Variants in CD164L2 observed in about 807,000 individuals in gnomAD.
CD164L2 encodes the protein CD164 sialomucin-like 2 protein.
Under a neutral mutation model 23.9 loss-of-function variants are expected in CD164L2, and 21 were observed. That is an observed-to-expected ratio of 0.88 (90% CI 0.62 to 1.27). The LOEUF (loss-of-function observed/expected upper bound fraction) is 1.27. CD164L2 is among the 50% of genes most tolerant of loss of function. The pLI, the probability that CD164L2 is intolerant of heterozygous loss-of-function variation, is 0.00. For missense variants in CD164L2, 230 were observed against 224.8 expected, an observed-to-expected ratio of 1.02 and a Z score of -0.15; for synonymous variants, 92 against 90.2, an observed-to-expected ratio of 1.02 and a Z score of -0.11.
At chr1:27,383,120 C>CA in intron 1 of CD164L2, 32 bp downstream of exon 1, 2 of 1,503,812 alleles carry the variant, frequency 1.3e-6, no homozygotes, top group Non-Finnish European at 1.8e-6. Context: ...CCGTCCCCGT[C>CA]GAGCCCCTAG....
chr1:27,383,325 TGAGCGTGTGCG>T, exon 1 of CD164L2: 1 of 878,370 alleles, frequency 1.1e-6, no homozygotes, highest in Non-Finnish European at 1.7e-6. Context: ...TGGGCTCGGC[TGAGCGTGTGCG>T]GAGCGAGACC....
At chr1:27,382,085 C>T (rs2016345452) in intron 3 of CD164L2, 1 of 1,479,026 alleles carries the variant, frequency 6.8e-7, no homozygotes, top group South Asian at 1.4e-5. Flanking sequence ...AAAGTCCTTG[C>T]TATGCCTTAA....
In CD164L2 at chr1:27,382,505, T is replaced by C; in HGVS notation, c.251A>G (p.Glu84Gly). ...GGGAGGGCTCAGCTCCATACCTGGC[T>C]CCTCTGGCCGGCACTGCTCCCACAC... ...SCVWEQCRPE[E>G]PGHCVAQSEV... is the part of the protein sequence containing the mutation. The change falls in exon 2 of 6, where the codon GAG becomes GGG. Residue 84 changes from glutamate to glycine, a missense_variant. Transcript: ENST00000374030. 1 of 1,601,722 alleles carries C rather than the reference T, an allele frequency of 6.2e-7. No homozygotes were observed. Among genetic ancestry groups the C allele is most frequent in the Non-Finnish European group, 8.5e-7 (1 of 1,171,818 alleles).
intron 3 of CD164L2, 83 bp downstream of exon 3, chr1:27,382,245 T>C: frequency 6.2e-7 from 1 of 1,613,808 alleles, no homozygotes; most frequent in South Asian, 1.1e-5. Context: ...ATCCACCGCC[T>C]GAGAGAGGCT....
chr1:27,380,287 C>T (rs2016313544), intron 4 of CD164L2, 92 bp from the exon 5 acceptor site: 10 of 1,215,538 alleles, frequency 8.2e-6, no homozygotes, highest in South Asian at 1.4e-5. Context: ...AACCTGGAGG[C>T]CCCGGTCCTC....
intron 1 of CD164L2, 79 bp from the exon 2 acceptor site, chr1:27,382,746 C>G: frequency 2.1e-6 from 3 of 1,431,932 alleles, no homozygotes; most frequent in South Asian, 2.7e-5. Context: ...ACCCAACACT[C>G]CGGTGGCCCT....
chr1:27,379,664 G>A (rs2016302360), intron 5 of CD164L2, 155 bp from the exon 6 acceptor site: 1 of 1,508,166 alleles, frequency 6.6e-7, no homozygotes, highest in African/African-American at 1.4e-5. Context: ...GAGGGCCTCA[G>A]GCACAGCTCC....
chr1:27,381,133 G>A (rs755205993), intron 4 of CD164L2, among the ~76,000 whole-genome samples: 4 of 152,230 alleles, frequency 2.6e-5, no homozygotes, highest in East Asian at 1.9e-4. Flanking sequence ...CCCAGCTCCC[G>A]CTCAGGGAGC....
intron 1 of CD164L2, 46 bp from the exon 2 acceptor site, chr1:27,382,713 C>T (rs1403414414): frequency 6.6e-7 from 1 of 1,524,624 alleles, no homozygotes; most frequent in Non-Finnish European, 8.8e-7. Flanking sequence ...CGAAGCCAAG[C>T]TGTGGCACCC....
At chr1:27,379,944 G>T in intron 5 of CD164L2, 107 bp downstream of exon 5, 2 of 1,546,308 alleles carry the variant, frequency 1.3e-6, no homozygotes, top group South Asian at 2.5e-5. Context: ...CCGTCCTGAG[G>T]GCTTGCCCAT....
Position 27,381,779 on chromosome 1 carries a change from C to A in CD164L2, c.373+1G>T, listed in dbSNP as rs1393379047. ...CTGCCCCGTCTCCAGGGAGTACTCACCTGTTGTGACTGTCTTCGGTTCATA... is the reference window on the plus strand; with the variant it reads ...CTGCCCCGTCTCCAGGGAGTACTCAACTGTTGTGACTGTCTTCGGTTCATA... On this transcript the variant is annotated splice_donor_variant, in intron 4 of 5. Coordinates refer to ENST00000374030, the MANE Select transcript of CD164L2 (RefSeq NM_001330448.1). LOFTEE classifies it high-confidence loss of function. The A allele has an allele frequency of 8.1e-6, 13 of 1,613,888 alleles. No homozygotes were observed. Among genetic ancestry groups the A allele is most frequent in the African/African-American group, 1.3e-5 (1 of 74,924 alleles).
rs773668448 is a variant in CD164L2, at chr1:27,381,818, T to C, written c.335A>G (p.His112Arg). 5.0e-6 allele frequency: 8 copies of C among 1,613,942 alleles called. No individual in the cohort carries two copies. Among genetic ancestry groups the C allele is most frequent in the Non-Finnish European group, 6.8e-6 (8 of 1,179,918 alleles). ...CTTCGGTTCATAGGTGGGGTGGTGGTGAGCAGCTGAGGAGACAGGTGATCC... is the reference window on the plus strand; with the variant it reads ...CTTCGGTTCATAGGTGGGGTGGTGGCGAGCAGCTGAGGAGACAGGTGATCC... The part of the protein sequence containing the change: ...YNRSEACPAA[H>R]HHPTYEPKTV... The change falls in exon 4 of 6, where the codon CAC (histidine) becomes CGC (arginine). Residue 112 changes from histidine (H) to arginine (R), a missense_variant. Physicochemically the swap from His to Arg is conservative, Grantham distance 29. Transcript: ENST00000374030.
chr1:27,382,773 T>C (rs2016364905), intron 1 of CD164L2, 106 bp from the exon 2 acceptor site: 2 of 1,176,544 alleles, frequency 1.7e-6, no homozygotes, highest in African/African-American at 4.0e-5. Context: ...TCTGCACACA[T>C]CTGGGCTCTC....
Position 27,383,313 on chromosome 1 carries a change from A to C in CD164L2, c.-74T>G. 2.0e-6 allele frequency: 2 copies of C among 998,264 alleles called. No individual in the cohort carries two copies. Among genetic ancestry groups the C allele is most frequent in the Non-Finnish European group, 3.0e-6 (2 of 673,558 alleles). 61.8% of individuals were successfully genotyped at this position (998,264 alleles called of 1,614,324 possible). ...CAGCTGCCGGGCGCGTCCCTCCCAG[A>C]CTGGGCTCGGCTGAGCGTGTGCGGA... On this transcript the variant is annotated 5_prime_UTR_variant, in exon 1 of 6. Transcript: ENST00000374030.
At position 27,380,191 on chromosome 1, in the gene CD164L2, G is replaced by T; in HGVS notation, c.378C>A (p.Ser126Arg). ...TYEPKTVTTGSPPVPEAHSPG... is the reference protein window; with the variant it reads ...TYEPKTVTTGRPPVPEAHSPG... Reference sequence around the variant, plus strand: ...GGCTGTGGGCCTCAGGGACTGGGGGGCTCCCTGCAGGGGTGAGGCAGGGCA... The same window carrying T: ...GGCTGTGGGCCTCAGGGACTGGGGGTCTCCCTGCAGGGGTGAGGCAGGGCA... Residue 126 changes from serine to arginine, a missense_variant, in exon 5 of 6, where the codon AGC (serine) becomes AGA (arginine). Coordinates refer to ENST00000374030, the MANE Select transcript of CD164L2 (RefSeq NM_001330448.1). The T allele has an allele frequency of 6.2e-7, 1 of 1,613,902 alleles. No homozygotes were observed. Among genetic ancestry groups the T allele is most frequent in the Non-Finnish European group, 8.5e-7 (1 of 1,179,894 alleles).
rs1230806300 is a variant in CD164L2 at position 27,383,109 on chromosome 1, T to C, written c.88+43A>G. On this transcript the variant is annotated intron_variant, in intron 1 of 5. Transcript: ENST00000374030. ...ACGGCTGGCTGAGGTGCAAGCTCCA[T>C]CCGTCCCCGTCGAGCCCCTAGCCAG... 8.9e-6 allele frequency: 13 copies of C among 1,463,048 alleles called. No individual in the cohort carries two copies. The East Asian group carries it at 2.5e-4, about 28-fold the overall frequency. 90.6% of individuals were successfully genotyped at this position (1,463,048 alleles called of 1,614,324 possible).
Position 27,379,506 on chromosome 1 carries a change from G to C in CD164L2, c.522C>G (p.Ile174Met), listed in dbSNP as rs2016298604. 6.5e-7 allele frequency: 1 copy of C among 1,550,292 alleles called. No individual in the cohort carries two copies. Among genetic ancestry groups the C allele is most frequent in the African/African-American group, 1.4e-5 (1 of 72,980 alleles). The change falls in exon 6 of 6, where the codon ATC becomes ATG. Residue 174 changes from isoleucine to methionine, a missense_variant. Transcript: ENST00000374030. ...KAKDSTYQTL[I>M] ...ATGGAGTCCAGGCCCAAAGGGGTCA[G>C]ATTCTGCAGAGGCCAAAGAGGACAC...
In CD164L2 at chr1:27,379,235, G is replaced by A; in HGVS notation, c.*268C>T. 1.7e-6 allele frequency: 1 copy of A among 574,674 alleles called. No individual in the cohort carries two copies. The highest frequency in any genetic ancestry group is 3.1e-6 in the Non-Finnish European group (1 of 320,060). 35.6% of individuals were successfully genotyped at this position (574,674 alleles called of 1,614,324 possible). On this transcript the variant is annotated 3_prime_UTR_variant, in exon 6 of 6. Coordinates refer to ENST00000374030, the MANE Select transcript of CD164L2 (RefSeq NM_001330448.1). ...CCAGGCCAGTTGGTGGAAAGAGGCA[G>A]GCATACAACCCACTGTCAGGCTGGG...
At position 27,379,352 on chromosome 1, in the gene CD164L2, T is replaced by C; in HGVS notation, c.*151A>G. ...CCAGGACAGGAGGAGATGTCAGGCA[T>C]CAGACACTGAGCCTGCTTGGTGCCC... On this transcript the variant is annotated 3_prime_UTR_variant, in exon 6 of 6. Transcript: ENST00000374030. 1 of 691,716 alleles carries C rather than the reference T, an allele frequency of 1.4e-6. No individual in the cohort carries two copies. Among genetic ancestry groups the C allele is most frequent in the Non-Finnish European group, 2.6e-6 (1 of 386,570 alleles). The allele number at this position is 691,716 out of a possible 1,614,324, so 42.8% of individuals were successfully genotyped here. A position where few individuals can be genotyped will look rare whatever the true frequency, so the allele number is the denominator to read the frequency against.
Sources: allele counts gnomAD v4.1 joint callset (sites outside exome capture counted in the v4.1 genomes callset), GRCh38; gene constraint gnomAD v4.1.1; transcripts MANE v1.5; gene names NCBI Gene and HGNC (gene_info 2026-07-23, HGNC 2026-07-21).